The following RCL1 variants were observed in gnomAD, a reference collection of about 807,000 sequenced individuals.
RCL1 encodes RNA terminal phosphate cyclase like 1, also known as RNA 3'-terminal phosphate cyclase-like protein.
Under a neutral mutation model 42.4 loss-of-function variants are expected in RCL1, and 24 were observed. The observed-to-expected ratio is 0.57, with a 90% CI of 0.41 to 0.80. The LOEUF (loss-of-function observed/expected upper bound fraction) is 0.80, where lower values mean the gene tolerates loss of function less well. Ranked by LOEUF, RCL1 falls within the 30% of genes least tolerant of loss-of-function variation. The probability of loss-of-function intolerance (pLI) is 0.00; values close to 1 mark genes in which losing one functional copy is unlikely to be tolerated. For synonymous variants in RCL1, 228 were observed against 177.3 expected (o/e 1.29, Z -2.27); for missense variants, 578 against 467.9 (o/e 1.24, Z -2.17).
intron 8 of RCL1, among the ~76,000 whole-genome samples, chr9:4,856,234 G>A (rs1887430): frequency 0.56 from 85,529 of 151,980 alleles, 24,299 homozygotes; most frequent in East Asian, 0.74. Context: ...GAGATGGTGG[G>A]ATGGATAGAA....
At chr9:4,806,491 A>G (rs1370245240) in intron 1 of RCL1, among the ~76,000 whole-genome samples, 4 of 150,580 alleles carry the variant, frequency 2.7e-5, no homozygotes, top group Non-Finnish European at 5.9e-5. Flanking sequence ...TGACCATGTG[A>G]TTTTTCTTCT....
At chr9:4,815,911 G>T (rs1816359414) in intron 1 of RCL1, among the ~76,000 whole-genome samples, 1 of 151,994 alleles carries the variant, frequency 6.6e-6, no homozygotes, top group Non-Finnish European at 1.5e-5. Context: ...AAGTCCTTTT[G>T]GTTCCCAGCT....
At position 4,793,119 on chromosome 9, in the gene RCL1, T is replaced by A. The variant is rs1439566977; in HGVS notation, c.28T>A (p.Tyr10Asn). 1 of 1,610,148 alleles carries A rather than the reference T, an allele frequency of 6.2e-7. No individual in the cohort carries two copies. The highest frequency in any genetic ancestry group is 8.5e-7 in the Non-Finnish European group (1 of 1,178,568). Residue 10 changes from tyrosine (Y) to asparagine (N), a missense_variant, in exon 1 of 9, where the codon TAC becomes AAC. Physicochemically the swap from Tyr to Asn is moderately radical, Grantham distance 143. Coordinates refer to ENST00000381750, the MANE Select transcript of RCL1 (RefSeq NM_005772.5). MATQAHSLS[Y>N]AGCNFLRQRL... The stretch of plus-strand genomic sequence containing the variant: ...GGCGACTCAGGCGCACTCCCTCAGC[T>A]ACGCAGGGTGCAACTTCTTGCGCCA...
chr9:4,830,527 C>T (rs1399574731), intron 3 of RCL1, among the ~76,000 whole-genome samples: 1 of 152,078 alleles, frequency 6.6e-6, no homozygotes, highest in Non-Finnish European at 1.5e-5. Context: ...AGAAGGTCTC[C>T]TGACTCTTGG....
intron 1 of RCL1, among the ~76,000 whole-genome samples, chr9:4,797,146 T>C (rs984087537): frequency 6.6e-6 from 1 of 152,244 alleles, no homozygotes; most frequent in African/African-American, 2.4e-5. Context: ...TATTCTCTTC[T>C]GAGCCTCAAC....
intron 1 of RCL1, chr9:4,804,779 C>T: frequency 5.5e-6 from 1 of 180,568 alleles, no homozygotes. Context: ...GCCGGAGCAG[C>T]GAATTGGAAG....
intron 1 of RCL1, among the ~76,000 whole-genome samples, chr9:4,803,619 A>T (rs1274826968): frequency 6.6e-6 from 1 of 151,830 alleles, no homozygotes; most frequent in South Asian, 2.1e-4. Flanking sequence ...TGGATTCCTA[A>T]TTTTTCTTGA....
intron 1 of RCL1, among the ~76,000 whole-genome samples, chr9:4,819,164 C>G (rs1816497419): frequency 1.3e-5 from 2 of 152,190 alleles, no homozygotes; most frequent in Admixed American, 1.3e-4. Context: ...CAACCCCAGA[C>G]AGGGCAGGGT....
In RCL1 at chr9:4,848,890, G is replaced by C. The variant is rs557253663; in HGVS notation, c.868-557G>C. On this transcript the variant is annotated intron_variant, in intron 7 of 8. Coordinates refer to ENST00000381750, the MANE Select transcript of RCL1 (RefSeq NM_005772.5). ...ACCTTAACAAGTCTTCAGTTTTAAG[G>C]AACTCAGGAAGAGATAAAGGAGAGA... Among the ~76,000 whole-genome samples the C allele has an allele frequency of 1.5e-4, 23 of 152,206 alleles. No individual in the cohort carries two copies. The South Asian group carries it at 4.6e-3, about 30-fold the overall frequency.
rs200964023 is a variant in RCL1 at position 4,792,976 on chromosome 9, C to G, written c.-116C>G. 8.2e-7 allele frequency: 1 copy of G among 1,222,416 alleles called. No homozygotes were observed. The highest frequency in any genetic ancestry group is 1.5e-5 in the South Asian group (1 of 65,860). 75.7% of individuals were successfully genotyped at this position (1,222,416 alleles called of 1,614,324 possible). A position where few individuals can be genotyped will look rare whatever the true frequency, so the allele number is the denominator to read the frequency against. The stretch of plus-strand genomic sequence containing the variant: ...GTGGACGCGTCTGGGCTGCTGGAGG[C>G]AGCCCGAGCCGCCGCCGTCGGTGTC... On this transcript the variant is annotated 5_prime_UTR_variant, in exon 1 of 9. Transcript: ENST00000381750.
intron 8 of RCL1, among the ~76,000 whole-genome samples, chr9:4,853,040 T>C (rs1226879691): frequency 6.6e-6 from 1 of 152,194 alleles, no homozygotes; most frequent in Non-Finnish European, 1.5e-5. Context: ...ACTACACACA[T>C]CTTATTGATC....
intron 3 of RCL1, among the ~76,000 whole-genome samples, chr9:4,830,196 T>G (rs1816901763): frequency 6.6e-6 from 1 of 152,174 alleles, no homozygotes; most frequent in East Asian, 1.9e-4. Flanking sequence ...AACAGTGTTA[T>G]TGGAGTATAA....
At chr9:4,806,643 C>A (rs1293365322) in intron 1 of RCL1, among the ~76,000 whole-genome samples, 2 of 145,994 alleles carry the variant, frequency 1.4e-5, no homozygotes, top group African/African-American at 5.1e-5. Context: ...CATATACTTA[C>A]ATATATATTG....
chr9:4,820,290 G>A (rs190370751), intron 1 of RCL1, among the ~76,000 whole-genome samples: 6 of 152,250 alleles, frequency 3.9e-5, no homozygotes, highest in Middle Eastern at 3.4e-3. Flanking sequence ...AGTAAAGTTT[G>A]GGGACTTTGA....
chr9:4,850,452 C>T, intron 8 of RCL1: 1 of 306,416 alleles, frequency 3.3e-6, no homozygotes, highest in East Asian at 8.7e-5. Context: ...GGCATGAAAA[C>T]CAGGAGCTTG....
In RCL1 at chr9:4,799,262, C is replaced by A. The variant is rs1037815141; in HGVS notation, c.136+6035C>A. 1.1e-4 allele frequency among the ~76,000 whole-genome samples: 16 copies of A among 152,110 alleles called. No individual in the cohort carries two copies. In the East Asian group the frequency reaches 2.3e-3, roughly 22 times the overall value. On this transcript the variant is annotated intron_variant, in intron 1 of 8. Coordinates refer to ENST00000381750, the MANE Select transcript of RCL1 (RefSeq NM_005772.5). ...GTGCTGAGATTACAGGCAAGAGCCA[C>A]AGTGCCTGGCCGTAAGTGCTACTTC... is the stretch of plus-strand genomic sequence containing the variant.
chr9:4,831,299 G>A lies in RCL1; in HGVS notation c.385-1855G>A, dbSNP rs560209260. Among the ~76,000 whole-genome samples the A allele has an allele frequency of 2.0e-4, 31 of 152,326 alleles. No homozygotes were observed. The South Asian group carries it at 6.4e-3, about 32-fold the overall frequency. On this transcript the variant is annotated intron_variant, in intron 3 of 8. Transcript: ENST00000381750. ...GGAAGGATGAGCCAGAAGGAATGCTGTGTTTTTTCACCTTTTTTTCCCTCG... is the reference window on the plus strand; with the variant it reads ...GGAAGGATGAGCCAGAAGGAATGCTATGTTTTTTCACCTTTTTTTCCCTCG...
rs75910157 is a variant in RCL1, at chr9:4,838,929, A to G, written c.585-2303A>G. 4.7e-3 allele frequency among the ~76,000 whole-genome samples: 721 copies of G among 152,350 alleles called. 15 individuals are homozygous for G. In the East Asian group the frequency reaches 0.055, roughly 12 times the overall value. On this transcript the variant is annotated intron_variant, in intron 5 of 8. Transcript: ENST00000381750. ...GGGCTCCTACTACACACTAGGCATT[A>G]AGAGCTTTACATGCATTTTATTTCA...
chr9:4,840,144 G>A (rs966390856), intron 5 of RCL1, among the ~76,000 whole-genome samples: 2 of 151,948 alleles, frequency 1.3e-5, no homozygotes, highest in African/African-American at 4.8e-5. Flanking sequence ...AAAAAAGGGA[G>A]CTAGATACCA....
Sources: allele counts gnomAD v4.1 joint callset (sites outside exome capture counted in the v4.1 genomes callset), GRCh38; gene constraint gnomAD v4.1.1; transcripts MANE v1.5; gene names NCBI Gene and HGNC (gene_info 2026-07-23, HGNC 2026-07-21).